GCH1: variants seen among roughly 807,000 people sequenced by gnomAD.
The protein encoded by GCH1 is GTP cyclohydrolase I.
In GCH1, 5 loss-of-function variants were observed where a neutral mutation model predicts 25.9. The ratio of observed to expected loss-of-function variants is 0.19; its 90% CI spans 0.10 to 0.41. GCH1 has a LOEUF of 0.41. GCH1 is among the 10% of genes least tolerant of loss of function. The pLI is 1.00. For missense variants in GCH1, 261 were observed against 336.5 expected (o/e 0.78, Z 1.75); for synonymous variants, 159 against 129.6 (o/e 1.23, Z -1.54).
intron 3 of GCH1, among the ~76,000 whole-genome samples, chr14:54,858,130 A>G (rs8007201): frequency 0.44 from 66,079 of 151,404 alleles, 16,175 homozygotes; most frequent in African/African-American, 0.67. Flanking sequence ...AGATTGCTGG[A>G]GTAGTTTTTT....
At chr14:54,847,396 G>A (rs185625988) in intron 3 of GCH1, among the ~76,000 whole-genome samples, 222 of 152,282 alleles carry the variant, frequency 1.5e-3, no homozygotes, top group African/African-American at 5.2e-3. Context: ...TCAGTGGGCT[G>A]GGAAAGGCAG....
At chr14:54,879,724 T>A (rs1050823161) in intron 1 of GCH1, among the ~76,000 whole-genome samples, 6 of 151,478 alleles carry the variant, frequency 4.0e-5, no homozygotes, top group African/African-American at 1.5e-4. Flanking sequence ...ATGAGGCCGG[T>A]CGCAGTGGCT....
rs886050542 is a variant in GCH1 at position 54,842,110 on chromosome 14, T to C, written c.*1907A>G. 1 of 152,228 alleles carries C rather than the reference T, an allele frequency of 6.6e-6. No homozygotes were observed. The highest frequency in any genetic ancestry group is 2.1e-4 in the South Asian group (1 of 4,834). The allele number at this position is 152,228 out of a possible 1,614,324, so 9.4% of individuals were successfully genotyped here. On this transcript the variant is annotated 3_prime_UTR_variant, in exon 6 of 6. Transcript: ENST00000491895. The stretch of plus-strand genomic sequence containing the variant: ...AAACAATTTAATTTTGAACAGTGTA[T>C]TGAAATACATCAAATTCTTAAAAAT...
intron 1 of GCH1, among the ~76,000 whole-genome samples, chr14:54,867,306 G>A (rs995791349): frequency 6.6e-6 from 1 of 152,094 alleles, no homozygotes; most frequent in African/African-American, 2.4e-5. Context: ...GCTGGCTCCA[G>A]GCTGGGTGCA....
chr14:54,891,251 C>T (rs2040418583), intron 1 of GCH1, among the ~76,000 whole-genome samples: 1 of 151,356 alleles, frequency 6.6e-6, no homozygotes, highest in Non-Finnish European at 1.5e-5. Context: ...TACAGGTGTG[C>T]ACCACCATGC....
At chr14:54,850,609 G>C (rs138822213) in intron 3 of GCH1, among the ~76,000 whole-genome samples, 46 of 152,084 alleles carry the variant, frequency 3.0e-4, no homozygotes, top group African/African-American at 1.1e-3. Context: ...ATTTACATTA[G>C]GTATATCTCC....
chr14:54,855,168 A>C (rs2039789832), intron 3 of GCH1, among the ~76,000 whole-genome samples: 1 of 152,192 alleles, frequency 6.6e-6, no homozygotes, highest in Non-Finnish European at 1.5e-5. Context: ...GACTTTTTGG[A>C]CTAAAAGATG....
rs104894445 is a variant in GCH1 at position 54,845,843 on chromosome 14, C to T, written c.551G>A (p.Arg184His). 5 of 1,594,910 alleles carry T rather than the reference C, an allele frequency of 3.1e-6. No individual in the cohort carries two copies. The highest frequency in any genetic ancestry group is 1.1e-5 in the South Asian group (1 of 90,664). ...TGCTACAGCAATTTGTTTTGTAAGG[C>T]GCTCCTGAACTGTGGATGTGATAAG... ...IYSRRLQVQE[R>H]LTKQIAVAIT... The change falls in exon 5 of 6, where the codon CGC becomes CAC. Residue 184 changes from arginine (R) to histidine (H), a missense_variant. Arg to His is a conservative substitution (Grantham distance 29). Around this residue, in one of 3 missense-constraint regions of GCH1, gnomAD observed 130 missense variants for 184.1 expected, o/e 0.71. Transcript: ENST00000491895.
In GCH1 at chr14:54,880,682, TATATATACTC is replaced by T. The variant is rs2040247446; in HGVS notation, c.344-15256_344-15247del. ...ACTCCATATATATATATACTCCATA[TATATATACTC>T]ATATATATATACTCCATATATATAT... On this transcript the variant is annotated intron_variant, in intron 1 of 5. Coordinates refer to ENST00000491895, the MANE Select transcript of GCH1 (RefSeq NM_000161.3). Among the ~76,000 whole-genome samples the T allele has an allele frequency of 1.2e-3, 2 of 1,622 alleles. 1 individual carries two copies. Among genetic ancestry groups the T allele is most frequent in the Non-Finnish European group, 0.038 (2 of 52 alleles). The allele number at this position is 1,622 out of a possible 152,430, so 1.1% of individuals were successfully genotyped here. A position where few individuals can be genotyped will look rare whatever the true frequency, so the allele number is the denominator to read the frequency against.
Position 54,844,002 on chromosome 14 carries a change from C to A in GCH1, c.*15G>T, listed in dbSNP as rs367683722. 1.9e-6 allele frequency: 3 copies of A among 1,614,114 alleles called. No individual in the cohort carries two copies. The African/African-American group carries it at 4.0e-5, about 22-fold the overall frequency. On this transcript the variant is annotated 3_prime_UTR_variant, in exon 6 of 6. Transcript: ENST00000491895. ...CAGTACGATCGGCAACCAACGCACACACACTGAATGAAGCTCAGCTCCTAA... is the reference window on the plus strand; with the variant it reads ...CAGTACGATCGGCAACCAACGCACAAACACTGAATGAAGCTCAGCTCCTAA...
intron 1 of GCH1, among the ~76,000 whole-genome samples, chr14:54,876,607 T>G (rs1419586558): frequency 5.3e-5 from 8 of 152,118 alleles, no homozygotes; most frequent in Admixed American, 5.2e-4. Flanking sequence ...GAGGCTGCAG[T>G]GAGCTATGAT....
chr14:54,859,574 G>C, intron 3 of GCH1, 107 bp downstream of exon 3: 2 of 778,442 alleles, frequency 2.6e-6, no homozygotes, highest in Non-Finnish European at 4.7e-6. Flanking sequence ...TGACTTCCAA[G>C]TTAGATCCAT....
rs1304202403 is a variant in GCH1, at chr14:54,843,458, C to T, written c.*559G>A. The T allele has an allele frequency of 1.6e-6, 2 of 1,236,610 alleles. No individual in the cohort carries two copies. Among genetic ancestry groups the T allele is most frequent in the Non-Finnish European group, 2.0e-6 (2 of 988,028 alleles). The allele number at this position is 1,236,610 out of a possible 1,614,324, so 76.6% of individuals were successfully genotyped here. On this transcript the variant is annotated 3_prime_UTR_variant, in exon 6 of 6. Transcript: ENST00000491895. ...TAAAATCAAAAACATAGACATTCCA[C>T]CACCTTCCCTTGGTGACTAACATTA...
chr14:54,864,010 C>T (rs1282619751), intron 2 of GCH1, among the ~76,000 whole-genome samples: 2 of 152,064 alleles, frequency 1.3e-5, no homozygotes. Context: ...AGGCATGCAC[C>T]ACCATGCCCA....
rs115939621 is a variant in GCH1, at chr14:54,902,794, G to C, written c.-131C>G. 5 of 1,178,686 alleles carry C rather than the reference G, an allele frequency of 4.2e-6. No individual in the cohort carries two copies. The highest frequency in any genetic ancestry group is 5.4e-6 in the Non-Finnish European group (5 of 923,508). 73.0% of individuals were successfully genotyped at this position (1,178,686 alleles called of 1,614,324 possible). On this transcript the variant is annotated 5_prime_UTR_variant, in exon 1 of 6. The change creates a new upstream start codon in the 5' untranslated region. Transcript: ENST00000491895. ...CTGAGGAAGGTACGCAACCTGCTTAGATCACACTCCGAGCCGGGAGCGGCC... is the reference window on the plus strand; with the variant it reads ...CTGAGGAAGGTACGCAACCTGCTTACATCACACTCCGAGCCGGGAGCGGCC...
At chr14:54,871,723 G>A (rs1008811997) in intron 1 of GCH1, among the ~76,000 whole-genome samples, 4 of 152,180 alleles carry the variant, frequency 2.6e-5, no homozygotes, top group African/African-American at 7.2e-5. Flanking sequence ...TAGCTGATTC[G>A]ATCAACTGGA....
chr14:54,902,294 G>A (rs765548739), intron 1 of GCH1, 27 bp downstream of exon 1: 2 of 1,608,106 alleles, frequency 1.2e-6, no homozygotes, highest in South Asian at 2.2e-5. Context: ...CCGCCCGCAC[G>A]CTCTAGCAGC....
rs780031153 is a variant in GCH1, at chr14:54,902,309, G to T, written c.343+12C>A. 20 of 1,611,108 alleles carry T rather than the reference G, an allele frequency of 1.2e-5. No individual in the cohort carries two copies. The highest frequency in any genetic ancestry group is 1.7e-5 in the Non-Finnish European group (20 of 1,179,428). On this transcript the variant is annotated intron_variant, in intron 1 of 5. Transcript: ENST00000491895. ...CCGCCCGCACGCTCTAGCAGCCCGC[G>T]GGCGCACTGACCTGAGATGGTCTCC...
chr14:54,866,205 T>A (rs1409345820), intron 1 of GCH1, among the ~76,000 whole-genome samples: 1 of 152,126 alleles, frequency 6.6e-6, no homozygotes, highest in East Asian at 1.9e-4. Flanking sequence ...AGATGATGCC[T>A]GAGAGCACTC....
Sources: gnomAD v4.1 joint callset for allele counts (sites outside exome capture counted in the v4.1 genomes callset) on GRCh38, gnomAD v4.1.1 for gene constraint, gnomAD v4.1.1 regional missense constraint, MANE v1.5 for transcripts, NCBI Gene and HGNC (gene_info 2026-07-23, HGNC 2026-07-21) for gene names.